Variants in ARMC2 observed in about 807,000 individuals in gnomAD.
ARMC2 encodes armadillo repeat-containing protein 2.
ARMC2 carries 67 observed loss-of-function variants against 90.3 expected under a neutral mutation model. The observed-to-expected ratio is 0.74, with a 90% CI of 0.61 to 0.91. ARMC2 has a LOEUF of 0.91. Among genes scored for constraint, ARMC2 ranks in the 40% least tolerant of loss-of-function variants. The pLI, the probability that ARMC2 is intolerant of heterozygous loss-of-function variation, is 0.00. For synonymous variants in ARMC2, 393 were observed against 393.0 expected (o/e 1.00, Z 0.00); for missense variants, 920 against 1,030.9 (o/e 0.89, Z 1.47).
At chr6:108,951,707 C>T (rs150583336) in intron 12 of ARMC2, among the ~76,000 whole-genome samples, 5 of 152,360 alleles carry the variant, frequency 3.3e-5, no homozygotes, top group African/African-American at 1.2e-4. Flanking sequence ...CCCGACGCCC[C>T]TCACGGGGCC....
the ARMC2 span, chr6:109,001,630 A>T: frequency 2.8e-6 from 2 of 703,898 alleles, no homozygotes; most frequent in Admixed American, 5.6e-5. Flanking sequence ...TTTAAACTCA[A>T]CTGGTTGAAA....
intron 7 of ARMC2, 43 bp downstream of exon 7, chr6:108,899,835 T>C (rs1185145321): frequency 1.4e-6 from 2 of 1,463,424 alleles, no homozygotes; most frequent in Non-Finnish European, 1.9e-6. Context: ...TTTGTTTTTT[T>C]TTTAAAAAAT....
chr6:108,953,535 T>G (rs1193620894), intron 13 of ARMC2, among the ~76,000 whole-genome samples, 184 bp downstream of exon 13: 2 of 152,186 alleles, frequency 1.3e-5, no homozygotes, highest in Non-Finnish European at 2.9e-5. Flanking sequence ...ATCCAGATTA[T>G]TAGAAAAGGA....
chr6:108,942,988 C>T (rs746822304), intron 12 of ARMC2, among the ~76,000 whole-genome samples: 1 of 152,172 alleles, frequency 6.6e-6, no homozygotes, highest in Non-Finnish European at 1.5e-5. Context: ...ATCTTATCAG[C>T]GGATGGGGAG....
intron 2 of ARMC2, among the ~76,000 whole-genome samples, chr6:108,857,701 G>T (rs1205117527): frequency 6.6e-6 from 1 of 152,174 alleles, no homozygotes; most frequent in Non-Finnish European, 1.5e-5. Flanking sequence ...TTATGAATGA[G>T]TGTTGGATTT....
chr6:108,920,502 CCTTCT>C (rs1774449242), intron 10 of ARMC2, among the ~76,000 whole-genome samples: 1 of 152,166 alleles, frequency 6.6e-6, no homozygotes. Flanking sequence ...CTTCCTCTTC[CCTTCT>C]CTTCCCTTTC....
intron 12 of ARMC2, among the ~76,000 whole-genome samples, chr6:108,951,419 T>C (rs1583198821): frequency 6.6e-6 from 1 of 152,180 alleles, no homozygotes; most frequent in Non-Finnish European, 1.5e-5. Flanking sequence ...CTATGGCTGG[T>C]TGAATGCTGT....
intron 3 of ARMC2, among the ~76,000 whole-genome samples, chr6:108,858,640 T>C: frequency 6.6e-6 from 1 of 150,600 alleles, no homozygotes; most frequent in Non-Finnish European, 1.5e-5. Context: ...CTTATACATA[T>C]ATAAAAATCA....
At chr6:108,924,596 G>A (rs1019238929) in intron 10 of ARMC2, among the ~76,000 whole-genome samples, 57 of 152,340 alleles carry the variant, frequency 3.7e-4, no homozygotes. Flanking sequence ...AAGGCATGGC[G>A]TCATGAAGGG....
At chr6:108,949,447 G>A (rs1777028980) in intron 12 of ARMC2, among the ~76,000 whole-genome samples, 1 of 152,206 alleles carries the variant, frequency 6.6e-6, no homozygotes, top group Non-Finnish European at 1.5e-5. Context: ...TTACTGTGCT[G>A]TTATTGTTAT....
intron 5 of ARMC2, among the ~76,000 whole-genome samples, chr6:108,893,511 C>T (rs546768079): frequency 6.6e-6 from 1 of 152,250 alleles, no homozygotes; most frequent in East Asian, 1.9e-4. Flanking sequence ...TTCCCAGCTC[C>T]CAAAGGCTAA....
At chr6:109,000,758 A>C in the ARMC2 span, 3 of 1,092,522 alleles carry the variant, frequency 2.7e-6, no homozygotes, top group Non-Finnish European at 3.6e-6. Context: ...AAAAGAGCTA[A>C]TTAAGTTTAT....
rs527706238 is a variant in ARMC2 at position 108,934,170 on chromosome 6, A to G, written c.1497-2730A>G. 6.3e-4 allele frequency among the ~76,000 whole-genome samples: 96 copies of G among 152,234 alleles called. No individual in the cohort carries two copies. The South Asian group carries it at 0.013, about 21-fold the overall frequency. On this transcript the variant is annotated intron_variant, in intron 11 of 17. Coordinates refer to ENST00000392644, the MANE Select transcript of ARMC2 (RefSeq NM_032131.6). The stretch of plus-strand genomic sequence containing the variant: ...GCCACCTCGCCTGGCATCAGTACCT[A>G]GTTTATTGAGAGTTTTTACCATGAA...
At chr6:109,029,650 C>G in the ARMC2 span, among the ~76,000 whole-genome samples, 34 of 152,144 alleles carry the variant, frequency 2.2e-4, no homozygotes, top group Non-Finnish European at 4.4e-4. Flanking sequence ...ATCCTCCTGT[C>G]TTAGCCTCCC....
At chr6:108,902,764 A>G (rs773703208) in intron 7 of ARMC2, among the ~76,000 whole-genome samples, 4 of 152,126 alleles carry the variant, frequency 2.6e-5, no homozygotes, top group Non-Finnish European at 2.9e-5. Flanking sequence ...TTGGTTTCCT[A>G]CTTTTAAATT....
intron 1 of ARMC2, among the ~76,000 whole-genome samples, chr6:108,850,480 C>T (rs192651569): frequency 6.6e-6 from 1 of 152,290 alleles, no homozygotes; most frequent in African/African-American, 2.4e-5. Context: ...TCTGCTTCAC[C>T]TTGACTCCTG....
chr6:108,978,353 G>C (rs1029715054), downstream of ARMC2, among the ~76,000 whole-genome samples: 5 of 152,142 alleles, frequency 3.3e-5, no homozygotes, highest in African/African-American at 9.7e-5. Context: ...ATTGCACTGT[G>C]GTCTGAGAGA....
chr6:108,919,352 C>T (rs775063104), intron 10 of ARMC2, among the ~76,000 whole-genome samples: 16 of 152,066 alleles, frequency 1.1e-4, no homozygotes, highest in East Asian at 5.8e-4. Context: ...TTATCTTGCG[C>T]GACCCCACCT....
In ARMC2 at chr6:108,858,593, A is replaced by G. The variant is rs561867850; in HGVS notation, c.291+322A>G. On this transcript the variant is annotated intron_variant, in intron 3 of 17. Transcript: ENST00000392644. ...TTATTTTCTTAACAGTTATATATAC[A>G]AAAATTAGATGTATAATTTATATTA... Among the ~76,000 whole-genome samples, 12 of 150,904 alleles carry G rather than the reference A, an allele frequency of 8.0e-5. No individual in the cohort carries two copies. The South Asian group carries it at 2.5e-3, about 31-fold the overall frequency.
Sources: allele counts gnomAD v4.1 joint callset (sites outside exome capture counted in the v4.1 genomes callset), GRCh38; gene constraint gnomAD v4.1.1; transcripts MANE v1.5; gene names NCBI Gene and HGNC (gene_info 2026-07-23, HGNC 2026-07-21).